GRID2: variants seen among roughly 807,000 people sequenced by gnomAD.
GRID2 encodes glutamate receptor ionotropic, delta-2.
In GRID2, 33 loss-of-function variants were observed where a neutral mutation model predicts 114.8. The observed-to-expected ratio is 0.29, with a 90% CI of 0.22 to 0.38. The LOEUF is 0.38. GRID2 is among the 10% of genes least tolerant of loss of function. The pLI is 1.00. For synonymous variants in GRID2, 505 were observed against 449.9 expected (o/e 1.12, Z -1.55); for missense variants, 1,184 against 1,257.7 (o/e 0.94, Z 0.89).
intron 14 of GRID2, among the ~76,000 whole-genome samples, chr4:93,644,595 C>A (rs182813338): frequency 2.0e-5 from 3 of 152,162 alleles, no homozygotes; most frequent in Admixed American, 1.3e-4. Flanking sequence ...TTCTAGGGAG[C>A]CTCTTATATT....
chr4:93,141,633 C>T (rs1579101163), intron 4 of GRID2, among the ~76,000 whole-genome samples: 1 of 152,152 alleles, frequency 6.6e-6, no homozygotes, highest in Non-Finnish European at 1.5e-5. Context: ...CTGCCAAGTT[C>T]ATTTAAGATT....
intron 14 of GRID2, among the ~76,000 whole-genome samples, chr4:93,768,464 G>A (rs776230817): frequency 7.9e-5 from 12 of 152,212 alleles, no homozygotes; most frequent in Non-Finnish European, 1.6e-4. Flanking sequence ...AGACTCTGGG[G>A]AGGGGAAAAA....
chr4:93,448,534 A>G (rs1481250062), intron 10 of GRID2, among the ~76,000 whole-genome samples: 1 of 152,006 alleles, frequency 6.6e-6, no homozygotes, highest in Non-Finnish European at 1.5e-5. Flanking sequence ...GATTGGCCTC[A>G]AAGAAAACAC....
chr4:92,451,002 C>G (rs559758932), intron 1 of GRID2, among the ~76,000 whole-genome samples: 50 of 151,654 alleles, frequency 3.3e-4, no homozygotes, highest in African/African-American at 1.2e-3. Context: ...ATTCAGTTCA[C>G]TCATAAAGAA....
At chr4:92,610,854 G>A (rs922287285) in intron 2 of GRID2, among the ~76,000 whole-genome samples, 1 of 151,570 alleles carries the variant, frequency 6.6e-6, no homozygotes, top group African/African-American at 2.4e-5. Context: ...ATGAGTTTTT[G>A]ATGTTTATCT....
intron 2 of GRID2, among the ~76,000 whole-genome samples, chr4:93,058,798 G>A (rs1454378668): frequency 6.6e-6 from 1 of 151,780 alleles, no homozygotes; most frequent in Non-Finnish European, 1.5e-5. Context: ...CTAATTAAAA[G>A]TATCTTTCAT....
intron 8 of GRID2, among the ~76,000 whole-genome samples, chr4:93,303,321 G>T (rs7671753): frequency 0.055 from 8,308 of 152,176 alleles, 766 homozygotes; most frequent in African/African-American, 0.19. Flanking sequence ...AGCTACAAAC[G>T]GAGCATTGTT....
chr4:92,840,240 A>G (rs1429805661), intron 2 of GRID2, among the ~76,000 whole-genome samples: 1 of 152,020 alleles, frequency 6.6e-6, no homozygotes, highest in Non-Finnish European at 1.5e-5. Context: ...TGTATTCAAC[A>G]GATGCAGATC....
intron 14 of GRID2, among the ~76,000 whole-genome samples, chr4:93,685,174 G>A (rs1725963416): frequency 6.6e-6 from 1 of 152,072 alleles, no homozygotes; most frequent in Non-Finnish European, 1.5e-5. Flanking sequence ...ATCATGTAAA[G>A]AAGAAAAGTT....
At chr4:93,272,431 G>A (rs1751562991) in intron 8 of GRID2, among the ~76,000 whole-genome samples, 1 of 152,176 alleles carries the variant, frequency 6.6e-6, no homozygotes, top group Admixed American at 6.5e-5. Flanking sequence ...AGAGGTGGGT[G>A]CACTTTCAAA....
chr4:92,481,983 TATATA>T, intron 1 of GRID2, among the ~76,000 whole-genome samples: 1 of 50,978 alleles, frequency 2.0e-5, no homozygotes, highest in South Asian at 5.4e-4. Context: ...TAAAATGTGA[TATATA>T]TATATATATA....
At chr4:93,126,666 C>G (rs112081014) in intron 4 of GRID2, among the ~76,000 whole-genome samples, 4 of 123,560 alleles carry the variant, frequency 3.2e-5, no homozygotes, top group Non-Finnish European at 4.7e-5. Context: ...GGCGCGATCT[C>G]GGCTCACTGC....
rs184604043 is a variant in GRID2 at position 92,866,571 on chromosome 4, G to T, written c.245-218424G>T. On this transcript the variant is annotated intron_variant, in intron 2 of 15. Transcript: ENST00000282020. ...TTTTTTTTTTTCTTCTGAGATGGAG[G>T]CTCACTCTGTCACCCAGGCTGGAGT... Among the ~76,000 whole-genome samples the T allele has an allele frequency of 5.9e-3, 895 of 151,320 alleles. 15 individuals are homozygous for T. The highest frequency in any genetic ancestry group is 0.021 in the African/African-American group (849 of 41,230).
chr4:93,679,562 A>T (rs1261597286), intron 14 of GRID2, among the ~76,000 whole-genome samples: 4 of 150,960 alleles, frequency 2.6e-5, no homozygotes, highest in Non-Finnish European at 4.4e-5. Flanking sequence ...AAAGAACAGA[A>T]ATTATAACAA....
chr4:93,324,243 A>ATATT (rs1757578188), intron 8 of GRID2, among the ~76,000 whole-genome samples: 1 of 152,082 alleles, frequency 6.6e-6, no homozygotes, highest in Non-Finnish European at 1.5e-5. Context: ...GTTTATTGAG[A>ATATT]GTTTTTAGCA....
chr4:93,776,942 C>T (rs1211514075), downstream of GRID2, among the ~76,000 whole-genome samples: 1 of 152,162 alleles, frequency 6.6e-6, no homozygotes, highest in Non-Finnish European at 1.5e-5. Flanking sequence ...ATAATTCAAG[C>T]TCTGCAATGT....
At chr4:92,708,069 G>T (rs1735040924) in intron 2 of GRID2, among the ~76,000 whole-genome samples, 1 of 152,114 alleles carries the variant, frequency 6.6e-6, no homozygotes, top group African/African-American at 2.4e-5. Context: ...TAAAACAGAG[G>T]AAAGTTAAGA....
chr4:93,588,015 G>A (rs1222358187), intron 13 of GRID2, among the ~76,000 whole-genome samples: 1 of 152,064 alleles, frequency 6.6e-6, no homozygotes, highest in South Asian at 2.1e-4. Flanking sequence ...TTACTTTATG[G>A]TTAGTCTAGA....
chr4:93,729,020 C>G (rs1730223294), intron 14 of GRID2, among the ~76,000 whole-genome samples: 1 of 152,082 alleles, frequency 6.6e-6, no homozygotes, highest in South Asian at 2.1e-4. Flanking sequence ...TGAATTTGAT[C>G]CTAACATTAT....
Sources: allele counts gnomAD v4.1 joint callset (sites outside exome capture counted in the v4.1 genomes callset), GRCh38; gene constraint gnomAD v4.1.1; transcripts MANE v1.5; gene names NCBI Gene and HGNC (gene_info 2026-07-23, HGNC 2026-07-21).